QPRT: variants seen among roughly 807,000 people sequenced by gnomAD.
QPRT encodes nicotinate-nucleotide pyrophosphorylase [carboxylating].
In QPRT, 17 loss-of-function variants were observed where a neutral mutation model predicts 19.8. That is an observed-to-expected ratio of 0.86 (90% confidence interval 0.59 to 1.29). The LOEUF (loss-of-function observed/expected upper bound fraction) is 1.29. Ranked by LOEUF, QPRT falls within the 50% of genes most tolerant of loss-of-function variation. QPRT has a pLI of 0.00. For synonymous variants in QPRT, 178 were observed against 191.0 expected, an observed-to-expected ratio of 0.93 and a Z score of 0.56; for missense variants, 336 against 405.1, an observed-to-expected ratio of 0.83 and a Z score of 1.46.
In QPRT at chr16:29,697,284, T is replaced by G; in HGVS notation, c.767T>G (p.Leu256Arg). The G allele has an allele frequency of 3.1e-6, 5 of 1,613,992 alleles. No homozygotes were observed. Among genetic ancestry groups the G allele is most frequent in the Non-Finnish European group, 4.2e-6 (5 of 1,179,982 alleles). The change falls in exon 4 of 4, where the codon CTC becomes CGC. Residue 256 changes from leucine to arginine, a missense_variant. Leu to Arg is a moderately radical substitution (Grantham distance 102). Coordinates refer to ENST00000395384, the MANE Select transcript of QPRT (RefSeq NM_014298.6). This position sits in a 1 kb window ranked among gnomAD's most constrained non-coding sequence, Gnocchi z 4.4. Reference sequence around the variant, plus strand: ...AGTGGGGGCATCACCCTGGACAACCTCCCCCAGTTCTGCGGGCCGCACATA... The same window carrying G: ...AGTGGGGGCATCACCCTGGACAACCGCCCCCAGTTCTGCGGGCCGCACATA... Reference protein sequence around the residue: ...EASGGITLDNLPQFCGPHIDV... With the variant: ...EASGGITLDNRPQFCGPHIDV...
chr16:29,697,068 G>T lies in QPRT; in HGVS notation c.622G>T (p.Ala208Ser). ...VEVECSSLQE[A>S]VQAAEAGADL... ...AGTGGAATGCAGCAGCCTGCAGGAG[G>T]CCGTGCAGGCAGCTGAGGCTGGTGC... Residue 208 changes from alanine to serine, a missense_variant, in exon 3 of 4, where the codon GCC (alanine) becomes TCC (serine). Ala to Ser is a moderately conservative substitution (Grantham distance 99). Coordinates refer to ENST00000395384, the MANE Select transcript of QPRT (RefSeq NM_014298.6). The surrounding 1 kb of genome is among the most constrained non-coding windows in gnomAD (Gnocchi z 4.4). The T allele has an allele frequency of 1.9e-6, 3 of 1,611,892 alleles. No individual in the cohort carries two copies. The highest frequency in any genetic ancestry group is 2.5e-6 in the Non-Finnish European group (3 of 1,179,190).
intron 1 of QPRT, among the ~76,000 whole-genome samples, chr16:29,680,102 C>T (rs1242638954): frequency 3.3e-5 from 5 of 151,848 alleles, no homozygotes; most frequent in South Asian, 2.1e-4. Context: ...GGACTACAGG[C>T]GCCCGCCGCC....
chr16:29,684,858 C>T (rs761228287), intron 1 of QPRT, among the ~76,000 whole-genome samples: 1 of 152,212 alleles, frequency 6.6e-6, no homozygotes, highest in African/African-American at 2.4e-5. Context: ...GGAAGAATCC[C>T]TGTGGTGAGC....
Position 29,694,979 on chromosome 16 carries a change from G to C in QPRT, c.329G>C (p.Arg110Pro). The change falls in exon 2 of 4, where the codon CGC becomes CCC. Residue 110 changes from arginine to proline, a missense_variant. Transcript: ENST00000395384. ...CGGGTGGCCCTCAACACGCTGGCCC[G>C]CTGCAGTGGCATTGCCAGTGCTGCC... ...GERVALNTLA[R>P]CSGIASAAAA... 1 of 1,607,098 alleles carries C rather than the reference G, an allele frequency of 6.2e-7. No individual in the cohort carries two copies. Among genetic ancestry groups the C allele is most frequent in the Non-Finnish European group, 8.5e-7 (1 of 1,179,126 alleles).
chr16:29,696,707 G>A (rs146589145), intron 2 of QPRT: 147 of 280,204 alleles, frequency 5.2e-4, no homozygotes, highest in African/African-American at 2.7e-3. Context: ...CTTGATCCCA[G>A]GAGGTAGAGG....
Position 29,694,970 on chromosome 16 carries a change from C to G in QPRT, c.320C>G (p.Thr107Arg). The change falls in exon 2 of 4, where the codon ACG (threonine) becomes AGG (arginine). Residue 107 changes from threonine (T) to arginine (R), a missense_variant. By Grantham distance (71) the Thr-to-Arg change is moderately conservative. Coordinates refer to ENST00000395384, the MANE Select transcript of QPRT (RefSeq NM_014298.6). ...CTGGGGGAACGGGTGGCCCTCAACA[C>G]GCTGGCCCGCTGCAGTGGCATTGCC... ...LLLGERVALN[T>R]LARCSGIASA... 6.2e-7 allele frequency: 1 copy of G among 1,608,244 alleles called. No individual in the cohort carries two copies. The highest frequency in any genetic ancestry group is 1.7e-4 in the Middle Eastern group (1 of 5,960).
chr16:29,695,054 C>A lies in QPRT; in HGVS notation c.404C>A (p.Ala135Glu). Reference protein sequence around the residue: ...ARGAGWTGHVAGTRKTTPGFR... With the variant: ...ARGAGWTGHVEGTRKTTPGFR... The stretch of plus-strand genomic sequence containing the variant: ...GGGGCCGGCTGGACTGGGCACGTGG[C>A]AGGCACGAGGAAGACCACGCCAGGC... Residue 135 changes from alanine (A) to glutamate (E), a missense_variant, in exon 2 of 4, where the codon GCA becomes GAA. Physicochemically the swap from Ala to Glu is moderately radical, Grantham distance 107. Coordinates refer to ENST00000395384, the MANE Select transcript of QPRT (RefSeq NM_014298.6). The A allele has an allele frequency of 1.2e-6, 2 of 1,605,580 alleles. No homozygotes were observed. The highest frequency in any genetic ancestry group is 1.7e-6 in the Non-Finnish European group (2 of 1,179,136).
chr16:29,695,745 C>G (rs559121852), intron 2 of QPRT: 1 of 151,756 alleles, frequency 6.6e-6, no homozygotes, highest in Non-Finnish European at 1.5e-5. Flanking sequence ...CCCACCTCGG[C>G]CTCCCAAAGT....
intron 1 of QPRT, among the ~76,000 whole-genome samples, chr16:29,691,811 T>G (rs1217921624): frequency 1.3e-5 from 2 of 151,990 alleles, no homozygotes; most frequent in African/African-American, 4.8e-5. Context: ...CTGGGGCAGA[T>G]GTGGGAGAGA....
At chr16:29,683,107 C>G (rs1053752279) in intron 1 of QPRT, among the ~76,000 whole-genome samples, 2 of 151,642 alleles carry the variant, frequency 1.3e-5, no homozygotes, top group East Asian at 3.9e-4. Flanking sequence ...TCACTGCAAC[C>G]TCCGCCTCCC....
intron 1 of QPRT, among the ~76,000 whole-genome samples, chr16:29,693,209 A>G (rs779595531): frequency 6.6e-6 from 1 of 152,144 alleles, no homozygotes; most frequent in African/African-American, 2.4e-5. Flanking sequence ...TGTGCTAGCA[A>G]ATAGTAGGTC....
At chr16:29,694,528 G>A in intron 1 of QPRT, 136 bp from the exon 2 acceptor site, 7 of 562,436 alleles carry the variant, frequency 1.2e-5, no homozygotes, top group East Asian at 4.9e-5. Flanking sequence ...CCTCACCGCA[G>A]TCCCCCCCCT....
chr16:29,695,996 A>T (rs1967521971), intron 2 of QPRT: 1 of 152,284 alleles, frequency 6.6e-6, no homozygotes, highest in African/African-American at 2.4e-5. Context: ...AGCAAAGGAC[A>T]ACACAGGGGA....
intron 1 of QPRT, among the ~76,000 whole-genome samples, chr16:29,692,702 G>A (rs563179618): frequency 6.6e-6 from 1 of 152,086 alleles, no homozygotes; most frequent in Non-Finnish European, 1.5e-5. Flanking sequence ...CTCTGCAGTC[G>A]CCAGGCCACT....
At chr16:29,693,618 GCT>G (rs1437384863) in intron 1 of QPRT, among the ~76,000 whole-genome samples, 4 of 151,288 alleles carry the variant, frequency 2.6e-5, no homozygotes, top group African/African-American at 9.7e-5. Context: ...GTGGAGTCTT[GCT>G]CTGTCACCCA....
intron 2 of QPRT, 100 bp from the exon 3 acceptor site, chr16:29,696,896 G>C: frequency 7.2e-7 from 1 of 1,398,154 alleles, no homozygotes; most frequent in Non-Finnish European, 9.5e-7. Flanking sequence ...CCCAGCTGCA[G>C]TGCTGGGCCC....
chr16:29,681,484 A>G (rs1376059889), intron 1 of QPRT, among the ~76,000 whole-genome samples: 1 of 137,076 alleles, frequency 7.3e-6, no homozygotes, highest in Non-Finnish European at 1.5e-5. Context: ...TTTTCATCAG[A>G]TCCAGATTCT....
At chr16:29,693,498 A>T (rs1248287658) in intron 1 of QPRT, among the ~76,000 whole-genome samples, 1 of 151,888 alleles carries the variant, frequency 6.6e-6, no homozygotes, top group Non-Finnish European at 1.5e-5. Flanking sequence ...ACCTCAGGTG[A>T]TCCACCTGCC....
rs536458761 is a variant in QPRT, at chr16:29,688,784, T to C, written c.14-5880T>C. On this transcript the variant is annotated intron_variant, in intron 1 of 3. Coordinates refer to ENST00000395384, the MANE Select transcript of QPRT (RefSeq NM_014298.6). ...AATTTTTTGTTTGTTTTTATTCTCT[T>C]TTTTTTTTTTTTTGAGACTGAGTTT... 1.3e-3 allele frequency among the ~76,000 whole-genome samples: 198 copies of C among 146,890 alleles called. 2 individuals are homozygous for C. The highest frequency in any genetic ancestry group is 4.4e-3 in the African/African-American group (179 of 40,404).
Sources: gnomAD v4.1 joint callset for allele counts (sites outside exome capture counted in the v4.1 genomes callset) on GRCh38, gnomAD v4.1.1 for gene constraint, Gnocchi (gnomAD v3.1) non-coding constraint, MANE v1.5 for transcripts, NCBI Gene and HGNC (gene_info 2026-07-23, HGNC 2026-07-21) for gene names.